RIPOR3: variants seen among roughly 807,000 people sequenced by gnomAD.
RIPOR3 encodes the protein family with sequence similarity 65 member C.
A neutral mutation model predicts 114.3 loss-of-function variants in RIPOR3; 95 were observed. The ratio of observed to expected loss-of-function variants is 0.83; its 90% CI spans 0.70 to 0.99. The LOEUF is 0.99. Ranked by LOEUF, RIPOR3 falls within the 50% of genes least tolerant of loss-of-function variation. RIPOR3 has a pLI of 0.00. For synonymous variants in RIPOR3, 575 were observed against 543.8 expected (o/e 1.06, Z -0.80); for missense variants, 1,252 against 1,266.9 (o/e 0.99, Z 0.18).
intron 1 of RIPOR3, among the ~76,000 whole-genome samples, chr20:50,651,086 C>T (rs2085586779): frequency 6.6e-6 from 1 of 152,126 alleles, no homozygotes; most frequent in Non-Finnish European, 1.5e-5. Flanking sequence ...GTTCTCCTGC[C>T]TCAGCCTCCT....
Position 50,607,670 on chromosome 20 carries a change from C to CGAGGGT in RIPOR3, c.956+713_956+718dup, listed in dbSNP as rs200211128. 4.9e-3 allele frequency among the ~76,000 whole-genome samples: 739 copies of CGAGGGT among 152,166 alleles called. 14 individuals are homozygous for CGAGGGT. Among genetic ancestry groups the CGAGGGT allele is most frequent in the African/African-American group, 0.016 (681 of 41,530 alleles). The stretch of plus-strand genomic sequence containing the variant: ...AGCCCTACCAGACAGGTGAGGACCC[C>CGAGGGT]GAGGGTGCAGGTGGTCGCTCAACAG... On this transcript the variant is annotated intron_variant, in intron 11 of 21. Transcript: ENST00000327979.
Position 50,587,221 on chromosome 20 carries a change from G to T in RIPOR3, c.*11C>A, listed in dbSNP as rs1426651565. 2.5e-6 allele frequency: 4 copies of T among 1,607,470 alleles called. No homozygotes were observed. Among genetic ancestry groups the T allele is most frequent in the Non-Finnish European group, 3.4e-6 (4 of 1,174,074 alleles). ...AACGATGTGAGATTTGTGCTCATCAGCCAGGATTTTTTAAAATATTGTGAT... is the reference window on the plus strand; with the variant it reads ...AACGATGTGAGATTTGTGCTCATCATCCAGGATTTTTTAAAATATTGTGAT... On this transcript the variant is annotated 3_prime_UTR_variant, in exon 22 of 22. Transcript: ENST00000327979.
intron 11 of RIPOR3, 33 bp downstream of exon 11, chr20:50,608,356 G>T: frequency 1.2e-6 from 2 of 1,612,294 alleles, no homozygotes; most frequent in South Asian, 1.1e-5. Flanking sequence ...AGCCAGCCAG[G>T]CCTCCGCTCT....
In RIPOR3 at chr20:50,594,682, G is replaced by C; in HGVS notation, c.2083C>G (p.Leu695Val). The C allele has an allele frequency of 6.2e-7, 1 of 1,612,834 alleles. No homozygotes were observed. The highest frequency in any genetic ancestry group is 8.5e-7 in the Non-Finnish European group (1 of 1,179,156). The change falls in exon 17 of 22, where the codon CTG becomes GTG. Residue 695 changes from leucine to valine, a missense_variant. Transcript: ENST00000327979. ...CCTGTGCACCCTCTCCACAGCTTCA[G>C]GCACCCCTTCGTCCGCGAGGCCTGT... ...IPQASRTKGC[L>V]KLWRGCTGPG... is the part of the protein sequence containing the mutation.
intron 1 of RIPOR3, chr20:50,662,126 C>G (rs1380344575): frequency 3.3e-5 from 5 of 152,650 alleles, no homozygotes; most frequent in Non-Finnish European, 5.9e-5. Flanking sequence ...CCTCCAGCCA[C>G]TTCCAGACCC....
chr20:50,587,302 A>G lies in RIPOR3; in HGVS notation c.2783T>C (p.Met928Thr), dbSNP rs1276831474. 1.2e-6 allele frequency: 2 copies of G among 1,614,054 alleles called. No homozygotes were observed. The highest frequency in any genetic ancestry group is 1.7e-6 in the Non-Finnish European group (2 of 1,180,042). Reference sequence around the variant, plus strand: ...TCTTTGTTCTGAGCAGAGCTTGTCCATCTTCTCAAAAGCTAACCGTCCTTT... The same window carrying G: ...TCTTTGTTCTGAGCAGAGCTTGTCCGTCTTCTCAAAAGCTAACCGTCCTTT... ...GEKGRLAFEKMDKLCSEQREV... is the reference protein window; with the variant it reads ...GEKGRLAFEKTDKLCSEQREV... The change falls in exon 22 of 22, where the codon ATG becomes ACG. Residue 928 changes from methionine (M) to threonine (T), a missense_variant. Met to Thr is a moderately conservative substitution (Grantham distance 81, BLOSUM62 -1). Coordinates refer to ENST00000327979, the MANE Select transcript of RIPOR3 (RefSeq NM_001290268.2).
chr20:50,625,507 T>A (rs6020644), intron 2 of RIPOR3, among the ~76,000 whole-genome samples: 46,967 of 152,182 alleles, frequency 0.31, 11,827 homozygotes, highest in African/African-American at 0.7. Context: ...GCTTGACAGC[T>A]TCACAGGCAG....
intron 1 of RIPOR3, among the ~76,000 whole-genome samples, chr20:50,658,203 A>T (rs186441511): frequency 6.6e-6 from 1 of 152,372 alleles, no homozygotes; most frequent in Admixed American, 6.5e-5. Context: ...CCAAATGTCC[A>T]TTGACAGATG....
chr20:50,604,774 G>A lies in RIPOR3; in HGVS notation c.957C>T (p.Asn319=). 6.2e-7 allele frequency: 1 copy of A among 1,607,538 alleles called. No homozygotes were observed. The highest frequency in any genetic ancestry group is 8.5e-7 in the Non-Finnish European group (1 of 1,177,838). ...CCAGGAAGCTCTCAGTATCAAACGG[G>A]CTGGAGGAGAGAACAGAAGGTCAGG... is the stretch of plus-strand genomic sequence containing the variant. ...TIKLQLEVQW[N]PFDTESFLVS... Residue 319 remains asparagine, a splice_region_variant and synonymous_variant, in exon 12 of 22, where the codon AAC becomes AAT. Coordinates refer to ENST00000327979, the MANE Select transcript of RIPOR3 (RefSeq NM_001290268.2).
At chr20:50,671,782 G>T (rs1001580559) in intron 1 of RIPOR3, among the ~76,000 whole-genome samples, 1 of 150,866 alleles carries the variant, frequency 6.6e-6, no homozygotes, top group Non-Finnish European at 1.5e-5. Context: ...ATGGGTGGGC[G>T]AAGGGATGGA....
chr20:50,590,855 C>T (rs2083085303), intron 19 of RIPOR3, among the ~76,000 whole-genome samples: 1 of 150,368 alleles, frequency 6.7e-6, no homozygotes, highest in South Asian at 2.1e-4. Flanking sequence ...CACTTCGTTG[C>T]CCAGCCTGGG....
At chr20:50,643,294 G>GTT (rs1408824684) in intron 1 of RIPOR3, among the ~76,000 whole-genome samples, 4 of 133,886 alleles carry the variant, frequency 3.0e-5, no homozygotes, top group Non-Finnish European at 4.7e-5. Flanking sequence ...GCTAATTTTT[G>GTT]TGTGTGTTTT....
chr20:50,621,005 G>T, intron 2 of RIPOR3: 1 of 506,214 alleles, frequency 2.0e-6, no homozygotes, highest in Non-Finnish European at 3.8e-6. Flanking sequence ...ACACATCCAC[G>T]CCAAGAGGAA....
At chr20:50,687,617 G>A (rs1432008220) in intron 1 of RIPOR3, among the ~76,000 whole-genome samples, 3 of 152,142 alleles carry the variant, frequency 2.0e-5, no homozygotes, top group Non-Finnish European at 4.4e-5. Context: ...TTGTATTGAC[G>A]TAGGCTGGGC....
intron 14 of RIPOR3, among the ~76,000 whole-genome samples, chr20:50,596,502 G>T (rs779906918): frequency 2.0e-5 from 3 of 152,210 alleles, no homozygotes; most frequent in Non-Finnish European, 1.5e-5. Flanking sequence ...AGGATGTCTC[G>T]TGGAGGTAGA....
Position 50,593,030 on chromosome 20 carries a change from C to CT in RIPOR3, c.2374+4dup. The stretch of plus-strand genomic sequence containing the variant: ...TGCTATGACAGCCACCCACCCCAGT[C>CT]TTACCTTCCTTGGTGAGCTGGGTGA... On this transcript the variant is annotated splice_donor_region_variant and intron_variant, in intron 18 of 21. Coordinates refer to ENST00000327979, the MANE Select transcript of RIPOR3 (RefSeq NM_001290268.2). 6.2e-7 allele frequency: 1 copy of CT among 1,613,874 alleles called. No homozygotes were observed.
intron 1 of RIPOR3, among the ~76,000 whole-genome samples, chr20:50,666,599 C>T (rs896107321): frequency 6.6e-6 from 1 of 151,678 alleles, no homozygotes; most frequent in African/African-American, 2.4e-5. Flanking sequence ...GCGTCTCACT[C>T]TGTTGCCTAG....
intron 1 of RIPOR3, among the ~76,000 whole-genome samples, chr20:50,680,103 C>T (rs1170564053): frequency 6.6e-6 from 1 of 152,210 alleles, no homozygotes; most frequent in East Asian, 1.9e-4. Flanking sequence ...GGAAGAGAAG[C>T]ATGCAGACAA....
At chr20:50,684,230 GA>G (rs1316595389) in intron 1 of RIPOR3, among the ~76,000 whole-genome samples, 1 of 152,206 alleles carries the variant, frequency 6.6e-6, no homozygotes, top group Non-Finnish European at 1.5e-5. Context: ...ACCAGGGAGT[GA>G]AGGAAGCTGT....
Sources: allele counts gnomAD v4.1 joint callset (sites outside exome capture counted in the v4.1 genomes callset), GRCh38; gene constraint gnomAD v4.1.1; transcripts MANE v1.5; gene names NCBI Gene and HGNC (gene_info 2026-07-23, HGNC 2026-07-21).